The following DLG2 variants were observed in gnomAD, a reference collection of about 807,000 sequenced individuals.
DLG2 encodes discs large MAGUK scaffold protein 2, also known as disks large homolog 2.
A neutral mutation model predicts 132.5 loss-of-function variants in DLG2; 45 were observed. The ratio of observed to expected loss-of-function variants is 0.34; its 90% CI spans 0.27 to 0.44. The LOEUF is 0.44. DLG2 is among the 20% of genes least tolerant of loss of function. The pLI is 1.00. For missense variants in DLG2, 1,045 were observed against 1,196.9 expected, an observed-to-expected ratio of 0.87 and a Z score of 1.87; for synonymous variants, 424 against 419.6, an observed-to-expected ratio of 1.01 and a Z score of -0.13.
chr11:83,659,642 C>T (rs1009204853), intron 18 of DLG2, among the ~76,000 whole-genome samples: 4 of 152,170 alleles, frequency 2.6e-5, no homozygotes, highest in Non-Finnish European at 4.4e-5. Flanking sequence ...AGGGATTACT[C>T]TCATGATATA....
chr11:85,483,170 T>C (rs1565561379), intron 3 of DLG2, among the ~76,000 whole-genome samples: 1 of 152,146 alleles, frequency 6.6e-6, no homozygotes, highest in Non-Finnish European at 1.5e-5. Flanking sequence ...GAGAGGATCC[T>C]ATTAGCAAGA....
chr11:85,611,934 G>C (rs1356756895), intron 2 of DLG2, among the ~76,000 whole-genome samples: 1 of 152,082 alleles, frequency 6.6e-6, no homozygotes, highest in East Asian at 1.9e-4. Context: ...GAGAGAGAGA[G>C]AGGAAGAGAC....
At chr11:83,883,648 G>C (rs781460983) in intron 15 of DLG2, among the ~76,000 whole-genome samples, 15 of 152,152 alleles carry the variant, frequency 9.9e-5, no homozygotes, top group Non-Finnish European at 2.1e-4. Flanking sequence ...TGAAACACCA[G>C]GAGCAAAATA....
At chr11:84,058,790 C>T (rs543118402) in intron 11 of DLG2, among the ~76,000 whole-genome samples, 10 of 151,682 alleles carry the variant, frequency 6.6e-5, no homozygotes, top group South Asian at 2.1e-4. Context: ...TCAAGAGATA[C>T]GAGAACATTT....
At chr11:85,228,495 T>A (rs1170798193) in intron 4 of DLG2, among the ~76,000 whole-genome samples, 1 of 152,128 alleles carries the variant, frequency 6.6e-6, no homozygotes, top group African/African-American at 2.4e-5. Context: ...TTAATCTTTT[T>A]AACCTTTGTT....
At chr11:84,484,368 C>T (rs1273200882) in intron 7 of DLG2, among the ~76,000 whole-genome samples, 1 of 152,098 alleles carries the variant, frequency 6.6e-6, no homozygotes, top group Non-Finnish European at 1.5e-5. Flanking sequence ...AGATACTCAC[C>T]ACTCACTGTG....
At chr11:85,525,944 G>A (rs181441386) in intron 3 of DLG2, among the ~76,000 whole-genome samples, 213 of 152,252 alleles carry the variant, frequency 1.4e-3, no homozygotes, top group Middle Eastern at 3.4e-3. Flanking sequence ...GTACATGAAC[G>A]AGAGGAAACT....
intron 17 of DLG2, 96 bp from the exon 18 acceptor site, chr11:83,786,888 T>C (rs1413963830): frequency 2.2e-6 from 2 of 922,252 alleles, no homozygotes; most frequent in East Asian, 2.6e-5. Context: ...TCTAACATTA[T>C]ATCACATGCC....
intron 7 of DLG2, among the ~76,000 whole-genome samples, chr11:84,365,249 A>C (rs946260407): frequency 8.5e-5 from 13 of 152,222 alleles, no homozygotes; most frequent in African/African-American, 2.4e-4. Context: ...GGGAGAGTGT[A>C]TGTGCCGAGG....
intron 7 of DLG2, among the ~76,000 whole-genome samples, chr11:84,332,070 A>G (rs1338063289): frequency 6.6e-6 from 1 of 152,208 alleles, no homozygotes; most frequent in Non-Finnish European, 1.5e-5. Context: ...TTTGTACAGC[A>G]AAGGGTATGC....
chr11:84,599,560 T>C (rs566157748), intron 6 of DLG2, among the ~76,000 whole-genome samples: 43 of 152,306 alleles, frequency 2.8e-4, no homozygotes, highest in African/African-American at 1.0e-3. Context: ...GGTGTATTCA[T>C]ACATCTTAGT....
chr11:85,120,077 C>T (rs1001400186), intron 5 of DLG2, among the ~76,000 whole-genome samples: 1 of 152,028 alleles, frequency 6.6e-6, no homozygotes. Context: ...ACATGGAATG[C>T]CACCAAGTTA....
Position 84,641,325 on chromosome 11 carries a change from T to C in DLG2, c.358-106594A>G, listed in dbSNP as rs201915060. Among the ~76,000 whole-genome samples the C allele has an allele frequency of 4.6e-5, 7 of 152,224 alleles. No homozygotes were observed. In the East Asian group the frequency reaches 1.3e-3, roughly 29 times the overall value. The stretch of plus-strand genomic sequence containing the variant: ...GACATAAGTTAATTCACATAAAGTC[T>C]TTAGGAAATTGCCTAACCCATAGTA... On this transcript the variant is annotated intron_variant, in intron 6 of 27. Transcript: ENST00000376104.
At chr11:85,483,446 C>T (rs1464643550) in intron 3 of DLG2, among the ~76,000 whole-genome samples, 1 of 152,064 alleles carries the variant, frequency 6.6e-6, no homozygotes, top group African/African-American at 2.4e-5. Context: ...GAGTTTATCA[C>T]CAACAGCCCT....
intron 7 of DLG2, among the ~76,000 whole-genome samples, chr11:84,301,441 A>T (rs1268134307): frequency 1.3e-5 from 2 of 151,982 alleles, no homozygotes; most frequent in Non-Finnish European, 2.9e-5. Context: ...GTGGATCACG[A>T]AGTCAGGAGA....
intron 7 of DLG2, among the ~76,000 whole-genome samples, chr11:84,291,874 T>A (rs1268172178): frequency 6.6e-6 from 1 of 151,988 alleles, no homozygotes; most frequent in African/African-American, 2.4e-5. Context: ...TAGGGAATCA[T>A]CAAAGTAGGT....
At chr11:83,815,085 T>C (rs1410026922) in intron 17 of DLG2, 1 of 153,316 alleles carries the variant, frequency 6.5e-6, no homozygotes, top group African/African-American at 2.4e-5. Flanking sequence ...ATATTAGACA[T>C]CATTAATTTA....
At chr11:84,258,164 T>A (rs1423451978) in intron 7 of DLG2, among the ~76,000 whole-genome samples, 7 of 152,150 alleles carry the variant, frequency 4.6e-5, no homozygotes, top group Non-Finnish European at 1.0e-4. Context: ...AAAAGGCTGA[T>A]GGCCCCAGCA....
intron 19 of DLG2, among the ~76,000 whole-genome samples, chr11:83,608,165 A>G (rs953394168): frequency 1.3e-5 from 2 of 152,184 alleles, no homozygotes; most frequent in African/African-American, 4.8e-5. Context: ...TAAGTTGAAA[A>G]TATCAGTAAG....
Sources: allele counts gnomAD v4.1 joint callset (sites outside exome capture counted in the v4.1 genomes callset), GRCh38; gene constraint gnomAD v4.1.1; transcripts MANE v1.5; gene names NCBI Gene and HGNC (gene_info 2026-07-23, HGNC 2026-07-21).